SBF2: variants seen among roughly 807,000 people sequenced by gnomAD.
The protein encoded by SBF2 is SET binding factor 2.
SBF2 carries 112 observed loss-of-function variants against 225.2 expected under a neutral mutation model. That is an observed-to-expected ratio of 0.50 (90% CI 0.43 to 0.58). The LOEUF (loss-of-function observed/expected upper bound fraction) is 0.58. Ranked by LOEUF, SBF2 falls within the 20% of genes least tolerant of loss-of-function variation. The pLI is 0.00. For synonymous variants in SBF2, 763 were observed against 773.3 expected, an observed-to-expected ratio of 0.99 and a Z score of 0.22; for missense variants, 1,996 against 2,206.2, an observed-to-expected ratio of 0.90 and a Z score of 1.91.
At chr11:9,944,959 G>A (rs1257811009) in intron 16 of SBF2, among the ~76,000 whole-genome samples, 2 of 152,022 alleles carry the variant, frequency 1.3e-5, no homozygotes, top group Non-Finnish European at 2.9e-5. Context: ...TAAAAAATTA[G>A]CCAAGTGTGG....
intron 2 of SBF2, among the ~76,000 whole-genome samples, chr11:10,192,113 A>G (rs76446024): frequency 0.099 from 15,020 of 152,194 alleles, 1,006 homozygotes; most frequent in East Asian, 0.28. Context: ...ACATTGAAAC[A>G]GGGTTTAAAA....
rs558404153 is a variant in SBF2 at position 10,146,352 on chromosome 11, C to T, written c.141+47550G>A. Among the ~76,000 whole-genome samples the T allele has an allele frequency of 1.8e-4, 28 of 152,032 alleles. No individual in the cohort carries two copies. The South Asian group carries it at 2.5e-3, about 14-fold the overall frequency. On this transcript the variant is annotated intron_variant, in intron 2 of 39. Coordinates refer to ENST00000256190, the MANE Select transcript of SBF2 (RefSeq NM_030962.4). Reference sequence around the variant, plus strand: ...CAGGGCTACAGTAACCAAAACAGCACGGGGCTGCCACAAAATCAGACACAT... The same window carrying T: ...CAGGGCTACAGTAACCAAAACAGCATGGGGCTGCCACAAAATCAGACACAT...
chr11:10,058,004 T>G (rs1167958038), intron 2 of SBF2, among the ~76,000 whole-genome samples: 2 of 147,310 alleles, frequency 1.4e-5, no homozygotes, highest in Non-Finnish European at 3.0e-5. Context: ...AAAAGAAGTC[T>G]ATTGAGTGTA....
intron 16 of SBF2, among the ~76,000 whole-genome samples, chr11:9,901,776 C>G (rs1861737321): frequency 6.6e-6 from 1 of 152,088 alleles, no homozygotes; most frequent in African/African-American, 2.4e-5. Flanking sequence ...TCCTGAATAG[C>G]TGGGAATACA....
intron 24 of SBF2, among the ~76,000 whole-genome samples, chr11:9,844,665 T>C (rs776008120): frequency 5.3e-5 from 8 of 152,134 alleles, no homozygotes; most frequent in Non-Finnish European, 1.0e-4. Context: ...TAACACAATG[T>C]GAATATAGAC....
intron 5 of SBF2, among the ~76,000 whole-genome samples, chr11:10,029,366 C>A (rs1949167121): frequency 6.6e-6 from 1 of 152,096 alleles, no homozygotes; most frequent in Non-Finnish European, 1.5e-5. Flanking sequence ...ATGTCATCTT[C>A]TAATTTTTAT....
intron 1 of SBF2, among the ~76,000 whole-genome samples, chr11:10,220,301 C>CCATGATT (rs1334651161): frequency 6.6e-6 from 1 of 152,090 alleles, no homozygotes; most frequent in Non-Finnish European, 1.5e-5. Context: ...CCCCACCAGC[C>CCATGATT]CATGATTCAA....
chr11:10,072,783 G>A (rs1174014388), intron 2 of SBF2, among the ~76,000 whole-genome samples: 1 of 147,166 alleles, frequency 6.8e-6, no homozygotes, highest in Non-Finnish European at 1.5e-5. Flanking sequence ...CCAGGCTGGA[G>A]TGCAGTGGCA....
rs35931698 is a variant in SBF2 at position 10,271,196 on chromosome 11, CTTTT to C, written c.55+22815_55+22818del. Among the ~76,000 whole-genome samples the C allele has an allele frequency of 3.7e-5, 3 of 81,064 alleles. 1 individual carries two copies. The highest frequency in any genetic ancestry group is 8.6e-4 in the South Asian group (2 of 2,334). The allele number at this position is 81,064 out of a possible 152,430, so 53.2% of individuals were successfully genotyped here. ...AAAACCAAGGACAGCAATCTTGATT[CTTTT>C]TTTTTTTTTTTTTTGAAGTTAAGAA... On this transcript the variant is annotated intron_variant, in intron 1 of 39. Transcript: ENST00000256190.
intron 2 of SBF2, among the ~76,000 whole-genome samples, chr11:10,108,519 T>G (rs1952666954): frequency 1.2e-5 from 1 of 86,888 alleles, no homozygotes; most frequent in Admixed American, 1.2e-4. Flanking sequence ...AGTTAACTTT[T>G]TTTTTTTTTT....
chr11:9,993,956 G>T lies in SBF2; in HGVS notation c.1018C>A (p.Pro340Thr). 8.0e-7 allele frequency: 1 copy of T among 1,242,570 alleles called. No individual in the cohort carries two copies. Among genetic ancestry groups the T allele is most frequent in the Non-Finnish European group, 1.2e-6 (1 of 840,750 alleles). The allele number at this position is 1,242,570 out of a possible 1,614,324, so 77.0% of individuals were successfully genotyped here. The change falls in exon 10 of 40, where the codon CCT becomes ACT. Residue 340 changes from proline to threonine, a missense_variant. Physicochemically the swap from Pro to Thr is conservative, Grantham distance 38. Transcript: ENST00000256190. ...GAGTGGGATAAAGCTGTTCGTGGAG[G>T]AGGAAAAGCATGATCTGCTACTTCC... is the stretch of plus-strand genomic sequence containing the variant. ...DLEVADHAFP[P>T]PRTALSHSKM...
intron 22 of SBF2, among the ~76,000 whole-genome samples, chr11:9,847,518 C>A (rs200814938): frequency 0.012 from 1,601 of 136,572 alleles, 1 homozygote; most frequent in Non-Finnish European, 0.013. Flanking sequence ...GGAGGTTTTA[C>A]AAAAAAAAAA....
chr11:10,101,099 C>G lies in SBF2; in HGVS notation c.142-58118G>C, dbSNP rs1396962775. On this transcript the variant is annotated intron_variant, in intron 2 of 39. Transcript: ENST00000256190. ...GGAATCTCTGGAGGAATTGCTGGCA[C>G]AAGTTCAGCAGGCCTAACTCAGAGA... Among the ~76,000 whole-genome samples, 3 of 152,110 alleles carry G rather than the reference C, an allele frequency of 2.0e-5. No individual in the cohort carries two copies. In the East Asian group the frequency reaches 5.8e-4, roughly 29 times the overall value.
intron 1 of SBF2, among the ~76,000 whole-genome samples, chr11:10,268,435 T>C (rs573762312): frequency 1.3e-5 from 2 of 152,304 alleles, no homozygotes; most frequent in Non-Finnish European, 2.9e-5. Context: ...ATGGTATTAG[T>C]GAACCTTGTA....
intron 16 of SBF2, among the ~76,000 whole-genome samples, chr11:9,916,804 T>G (rs992407326): frequency 1.1e-4 from 16 of 152,050 alleles, no homozygotes; most frequent in East Asian, 5.8e-4. Context: ...AGGCTGGTCT[T>G]GAAATTCTGG....
rs745328047 is a variant in SBF2 at position 9,968,359 on chromosome 11, G to C, written c.1582C>G (p.Pro528Ala). Residue 528 changes from proline (P) to alanine (A), a missense_variant, in exon 14 of 40, where the codon CCA (proline) becomes GCA (alanine). By Grantham distance (27) the Pro-to-Ala change is conservative. Coordinates refer to ENST00000256190, the MANE Select transcript of SBF2 (RefSeq NM_030962.4). ...ATRIEKKCVV[P>A]AGPPVVSIMD... The stretch of plus-strand genomic sequence containing the variant: ...TACATACCAACAGGTGGACCTGCTG[G>C]CACAACACATTTCTTTTCTATTCGT... 8.7e-6 allele frequency: 14 copies of C among 1,613,844 alleles called. No homozygotes were observed. The highest frequency in any genetic ancestry group is 1.2e-5 in the Non-Finnish European group (14 of 1,179,930).
intron 16 of SBF2, among the ~76,000 whole-genome samples, chr11:9,943,851 A>G (rs1464467489): frequency 6.6e-6 from 1 of 152,146 alleles, no homozygotes; most frequent in African/African-American, 2.4e-5. Flanking sequence ...AGTTGCACAT[A>G]CTCTTGACTC....
chr11:10,139,828 T>C (rs1287133391), intron 2 of SBF2, among the ~76,000 whole-genome samples: 1 of 152,218 alleles, frequency 6.6e-6, no homozygotes, highest in African/African-American at 2.4e-5. Flanking sequence ...GCCTTCTACA[T>C]AGCTCCTTCC....
At chr11:10,188,607 C>G (rs1366622263) in intron 2 of SBF2, among the ~76,000 whole-genome samples, 1 of 152,190 alleles carries the variant, frequency 6.6e-6, no homozygotes, top group Non-Finnish European at 1.5e-5. Context: ...GACACTAGTT[C>G]TAGTACAGGA....
Sources: gnomAD v4.1 joint callset for allele counts (sites outside exome capture counted in the v4.1 genomes callset) on GRCh38, gnomAD v4.1.1 for gene constraint, MANE v1.5 for transcripts, NCBI Gene and HGNC (gene_info 2026-07-23, HGNC 2026-07-21) for gene names.